DLGAP1: variants seen among roughly 807,000 people sequenced by gnomAD.
The protein encoded by DLGAP1 is disks large-associated protein 1.
A neutral mutation model predicts 90.8 loss-of-function variants in DLGAP1; 11 were observed. The observed-to-expected ratio is 0.12, with a 90% CI of 0.08 to 0.20. The LOEUF (loss-of-function observed/expected upper bound fraction) is 0.20. Among genes scored for constraint, DLGAP1 ranks in the 10% least tolerant of loss-of-function variants. The pLI is 1.00. For missense variants in DLGAP1, 1,050 were observed against 1,333.8 expected (o/e 0.79, Z 3.31); for synonymous variants, 558 against 540.7 (o/e 1.03, Z -0.44).
chr18:3,919,381 TA>T (rs2072217410), intron 3 of DLGAP1, among the ~76,000 whole-genome samples: 1 of 152,252 alleles, frequency 6.6e-6, no homozygotes, highest in African/African-American at 2.4e-5. Flanking sequence ...ACAAAGCGTA[TA>T]GATTCCTGGT....
intron 1 of DLGAP1, among the ~76,000 whole-genome samples, chr18:4,393,345 T>C (rs1318325814): frequency 2.0e-5 from 3 of 152,166 alleles, no homozygotes; most frequent in Admixed American, 2.0e-4. Context: ...ACAGCCATCT[T>C]TTTGTGTTTC....
chr18:4,267,202 C>T (rs1216857322), intron 1 of DLGAP1, among the ~76,000 whole-genome samples: 1 of 144,480 alleles, frequency 6.9e-6, no homozygotes, highest in Non-Finnish European at 1.5e-5. Flanking sequence ...GTGTGTGTAT[C>T]TATCTACCTA....
At chr18:3,626,188 G>T (rs188280208) in intron 7 of DLGAP1, among the ~76,000 whole-genome samples, 4 of 152,226 alleles carry the variant, frequency 2.6e-5, no homozygotes, top group South Asian at 2.1e-4. Flanking sequence ...AGCTACTTGG[G>T]GGGCTGAGGT....
chr18:3,513,467 A>G (rs569292700), intron 10 of DLGAP1, among the ~76,000 whole-genome samples: 3 of 152,268 alleles, frequency 2.0e-5, no homozygotes, highest in African/African-American at 7.2e-5. Context: ...CTTTATCAAC[A>G]TTTCCCAGCC....
intron 7 of DLGAP1, among the ~76,000 whole-genome samples, chr18:3,595,325 C>T (rs2056517911): frequency 6.6e-6 from 1 of 152,190 alleles, no homozygotes; most frequent in African/African-American, 2.4e-5. Context: ...AAGGTCATTT[C>T]AGAAGGCCCA....
At chr18:3,835,094 A>G (rs2068291773) in intron 4 of DLGAP1, among the ~76,000 whole-genome samples, 1 of 152,228 alleles carries the variant, frequency 6.6e-6, no homozygotes, top group African/African-American at 2.4e-5. Flanking sequence ...ACTGTATGCA[A>G]AAACCCATAT....
At chr18:4,096,518 C>A (rs370049413) in intron 2 of DLGAP1, among the ~76,000 whole-genome samples, 1 of 151,864 alleles carries the variant, frequency 6.6e-6, no homozygotes, top group Non-Finnish European at 1.5e-5. Context: ...GTACTTTTTG[C>A]CATTCTTTTT....
At chr18:3,519,572 T>C (rs927111412) in intron 10 of DLGAP1, among the ~76,000 whole-genome samples, 2 of 152,164 alleles carry the variant, frequency 1.3e-5, no homozygotes, top group Non-Finnish European at 2.9e-5. Context: ...TCCTCCAAAA[T>C]ATATGTTGAA....
chr18:3,710,881 C>T lies in DLGAP1; in HGVS notation c.1591+18254G>A, dbSNP rs1335163164. 3.9e-5 allele frequency among the ~76,000 whole-genome samples: 6 copies of T among 152,284 alleles called. No homozygotes were observed. In the South Asian group the frequency reaches 1.2e-3, roughly 32 times the overall value. ...CAGAGCCCTAAGGCAGGAACAAGCT[C>T]GCTGGGTTCCAGAAGGTCAGAGCTC... On this transcript the variant is annotated intron_variant, in intron 7 of 12. Transcript: ENST00000315677.
rs143542314 is a variant in DLGAP1 at position 4,209,058 on chromosome 18, A to G, written c.-266-57771T>C. Among the ~76,000 whole-genome samples the G allele has an allele frequency of 6.8e-3, 1,030 of 152,256 alleles. 13 individuals carry two copies. The highest frequency in any genetic ancestry group is 8.2e-3 in the Non-Finnish European group (555 of 68,022). The stretch of plus-strand genomic sequence containing the variant: ...GGCCGGGTGGAAAGCTGCTCCCTTC[A>G]TTAAAAAGAAGGGAGGGAGGGTGAC... On this transcript the variant is annotated intron_variant, in intron 1 of 12. Coordinates refer to ENST00000315677, the MANE Select transcript of DLGAP1 (RefSeq NM_004746.4).
chr18:3,733,950 GT>G (rs1345309848), intron 6 of DLGAP1, among the ~76,000 whole-genome samples: 3 of 152,070 alleles, frequency 2.0e-5, no homozygotes, highest in Admixed American at 6.5e-5. Context: ...AATCCAAAGT[GT>G]TTTTAAAGAA....
At chr18:3,815,910 G>A (rs571486735) in intron 4 of DLGAP1, among the ~76,000 whole-genome samples, 4 of 152,284 alleles carry the variant, frequency 2.6e-5, no homozygotes, top group Admixed American at 6.5e-5. Context: ...TAACAGAGAC[G>A]AGAAGAGAAA....
At chr18:3,554,272 C>T (rs1368989047) in intron 9 of DLGAP1, among the ~76,000 whole-genome samples, 1 of 152,138 alleles carries the variant, frequency 6.6e-6, no homozygotes, top group Non-Finnish European at 1.5e-5. Flanking sequence ...GAGATGTTGC[C>T]AAGATTTGCC....
intron 2 of DLGAP1, among the ~76,000 whole-genome samples, chr18:4,147,847 AAC>A (rs2076612211): frequency 6.6e-6 from 1 of 152,192 alleles, no homozygotes; most frequent in African/African-American, 2.4e-5. Context: ...CTCAAACTGT[AAC>A]GCAGAAATTG....
At chr18:4,307,745 T>C (rs1167440278) in intron 1 of DLGAP1, among the ~76,000 whole-genome samples, 4 of 148,822 alleles carry the variant, frequency 2.7e-5, no homozygotes, top group Non-Finnish European at 5.9e-5. Context: ...AGGCAGAGTC[T>C]TTTTCTGTCA....
At chr18:4,269,524 TTG>T (rs1209592437) in intron 1 of DLGAP1, among the ~76,000 whole-genome samples, 1 of 151,436 alleles carries the variant, frequency 6.6e-6, no homozygotes, top group Non-Finnish European at 1.5e-5. Context: ...CGGCTAATTT[TTG>T]TGTATTTTTA....
chr18:3,585,183 G>A (rs532983736), intron 7 of DLGAP1, among the ~76,000 whole-genome samples: 2 of 152,372 alleles, frequency 1.3e-5, no homozygotes, highest in East Asian at 3.8e-4. Flanking sequence ...TCAGGAGCGA[G>A]CCAGCCAGCC....
intron 1 of DLGAP1, among the ~76,000 whole-genome samples, chr18:4,300,056 G>A (rs532825639): frequency 6.6e-6 from 1 of 152,150 alleles, no homozygotes; most frequent in African/African-American, 2.4e-5. Flanking sequence ...GTGCGATAAA[G>A]CTTTGCCCAT....
intron 3 of DLGAP1, among the ~76,000 whole-genome samples, chr18:3,971,770 C>T (rs914222756): frequency 2.6e-5 from 4 of 152,138 alleles, no homozygotes; most frequent in Non-Finnish European, 5.9e-5. Context: ...AAATCTTGTT[C>T]TCTAAATAGC....
Sources: allele counts gnomAD v4.1 joint callset (sites outside exome capture counted in the v4.1 genomes callset), GRCh38; gene constraint gnomAD v4.1.1; transcripts MANE v1.5; gene names NCBI Gene and HGNC (gene_info 2026-07-23, HGNC 2026-07-21).